The following MPPED1 variants were observed in gnomAD, a reference collection of about 807,000 sequenced individuals.
MPPED1 encodes the protein metallophosphoesterase domain containing 1.
MPPED1 carries 16 observed loss-of-function variants against 36.2 expected under a neutral mutation model. That is an observed-to-expected ratio of 0.44 (90% CI 0.30 to 0.67). The LOEUF (loss-of-function observed/expected upper bound fraction) is 0.67, where lower values mean the gene tolerates loss of function less well. Among genes scored for constraint, MPPED1 ranks in the 30% least tolerant of loss-of-function variants. MPPED1 has a pLI of 0.10. For missense variants in MPPED1, 307 were observed against 453.4 expected (o/e 0.68, Z 2.93); for synonymous variants, 199 against 191.3 (o/e 1.04, Z -0.33).
intron 5 of MPPED1, among the ~76,000 whole-genome samples, chr22:43,498,810 C>T (rs888339557): frequency 6.6e-6 from 1 of 152,170 alleles, no homozygotes; most frequent in Admixed American, 6.5e-5. Flanking sequence ...CACCCCACCA[C>T]CCAATCCACA....
At chr22:43,453,725 TC>T (rs1930655297) in intron 3 of MPPED1, among the ~76,000 whole-genome samples, 4 of 152,188 alleles carry the variant, frequency 2.6e-5, no homozygotes, top group African/African-American at 9.7e-5. Context: ...AGCCTACAAT[TC>T]TGCCTGCTCA....
chr22:43,419,634 A>ATGGCACGG (rs1174591636), intron 1 of MPPED1, among the ~76,000 whole-genome samples: 1 of 150,910 alleles, frequency 6.6e-6, no homozygotes, highest in African/African-American at 2.4e-5. Context: ...GCCAGAGGGA[A>ATGGCACGG]TGGCACGGGC....
At chr22:43,431,015 T>C (rs1929659291) in intron 2 of MPPED1, among the ~76,000 whole-genome samples, 1 of 142,466 alleles carries the variant, frequency 7.0e-6, no homozygotes, top group South Asian at 2.3e-4. Context: ...TCTACTGTTG[T>C]TGTTAATTTT....
chr22:43,484,159 T>C (rs996868068), intron 4 of MPPED1, among the ~76,000 whole-genome samples: 2 of 152,250 alleles, frequency 1.3e-5, no homozygotes, highest in Non-Finnish European at 2.9e-5. Flanking sequence ...AAGGCTGGCC[T>C]TTCCCAGTTT....
chr22:43,502,636 C>A lies in MPPED1; in HGVS notation c.749-8C>A. ...CGTCATGGCCTCCTGTTGTCTCCCCCATACCAGGCTTCCTGGACTGGGTCC... is the reference window on the plus strand; with the variant it reads ...CGTCATGGCCTCCTGTTGTCTCCCCAATACCAGGCTTCCTGGACTGGGTCC... On this transcript the variant is annotated splice_region_variant and splice_polypyrimidine_tract_variant and intron_variant, in intron 5 of 6. Coordinates refer to ENST00000443721, the MANE Select transcript of MPPED1 (RefSeq NM_001044370.2). This position sits in a 1 kb window ranked among gnomAD's most constrained non-coding sequence, Gnocchi z 5.5. The A allele has an allele frequency of 6.2e-7, 1 of 1,611,694 alleles. No individual in the cohort carries two copies. The highest frequency in any genetic ancestry group is 1.1e-5 in the South Asian group (1 of 91,064).
At chr22:43,439,647 T>C (rs1930080553) in intron 3 of MPPED1, among the ~76,000 whole-genome samples, 1 of 152,234 alleles carries the variant, frequency 6.6e-6, no homozygotes, top group Non-Finnish European at 1.5e-5. Flanking sequence ...GAAGGGTTGA[T>C]GAATAGTATT....
chr22:43,471,491 C>A (rs1384068418), intron 3 of MPPED1, among the ~76,000 whole-genome samples: 1 of 152,208 alleles, frequency 6.6e-6, no homozygotes, highest in African/African-American at 2.4e-5. Flanking sequence ...GTTTCCCAGC[C>A]TTTGAGCCTC....
intron 3 of MPPED1, among the ~76,000 whole-genome samples, chr22:43,463,871 CTT>C (rs1213952431): frequency 1.0e-5 from 1 of 96,308 alleles, no homozygotes; most frequent in Non-Finnish European, 2.2e-5. Flanking sequence ...TTCTTTCTTT[CTT>C]TCTCTTTCTG....
chr22:43,467,532 A>G (rs1421264140), intron 3 of MPPED1, among the ~76,000 whole-genome samples: 2 of 152,052 alleles, frequency 1.3e-5, no homozygotes, highest in Non-Finnish European at 2.9e-5. Flanking sequence ...TTGCACCAAG[A>G]CCCCACGGTG....
Position 43,435,144 on chromosome 22 carries a change from T to A in MPPED1, c.335T>A (p.Val112Glu), listed in dbSNP as rs1432677809. 2.5e-6 allele frequency: 4 copies of A among 1,613,636 alleles called. No individual in the cohort carries two copies. Residue 112 changes from valine (V) to glutamate (E), a missense_variant, in exon 3 of 7, where the codon GTG (valine) becomes GAG (glutamate). Physicochemically the swap from Val to Glu is moderately radical, Grantham distance 121 (BLOSUM62 -2). This residue lies in a region of MPPED1 where 169 missense variants were observed against 212.3 expected (regional missense o/e 0.80). Coordinates refer to ENST00000443721, the MANE Select transcript of MPPED1 (RefSeq NM_001044370.2). Reference sequence around the variant, plus strand: ...CCCATCCAGATGCCGTACGGCGACGTGCTGATCCACGCTGGGGACTTCACT... The same window carrying A: ...CCCATCCAGATGCCGTACGGCGACGAGCTGATCCACGCTGGGGACTTCACT... ...TDPIQMPYGD[V>E]LIHAGDFTEL...
chr22:43,430,343 G>A (rs1296172123), intron 2 of MPPED1, among the ~76,000 whole-genome samples: 1 of 152,196 alleles, frequency 6.6e-6, no homozygotes, highest in Non-Finnish European at 1.5e-5. Flanking sequence ...CTGCAGGGGT[G>A]TTGGCATCAG....
chr22:43,412,756 A>C (rs896460930), intron 1 of MPPED1, among the ~76,000 whole-genome samples: 1 of 152,124 alleles, frequency 6.6e-6, no homozygotes, highest in Non-Finnish European at 1.5e-5. Context: ...CAGGGGATTC[A>C]GTGGCTACCT....
Position 43,455,200 on chromosome 22 carries a change from C to T in MPPED1, c.407-19536C>T, listed in dbSNP as rs562054714. On this transcript the variant is annotated intron_variant, in intron 3 of 6. Transcript: ENST00000443721. Reference sequence around the variant, plus strand: ...TCTCGGCCCACAGCAACCTCTGTCCCTGGGATTCAAGCGATTCTTCCTCCT... The same window carrying T: ...TCTCGGCCCACAGCAACCTCTGTCCTTGGGATTCAAGCGATTCTTCCTCCT... Among the ~76,000 whole-genome samples, 147 of 150,040 alleles carry T rather than the reference C, an allele frequency of 9.8e-4. 1 individual carries two copies. Among genetic ancestry groups the T allele is most frequent in the Non-Finnish European group, 1.9e-3 (126 of 67,868 alleles).
At chr22:43,468,145 T>C (rs542505391) in intron 3 of MPPED1, among the ~76,000 whole-genome samples, 41 of 152,346 alleles carry the variant, frequency 2.7e-4, no homozygotes, top group African/African-American at 9.6e-4. Context: ...GCTCTTCTGG[T>C]TAATACTTAA....
intron 1 of MPPED1, among the ~76,000 whole-genome samples, chr22:43,420,842 T>C (rs867798062): frequency 3.3e-5 from 5 of 152,388 alleles, no homozygotes; most frequent in Middle Eastern, 6.8e-3. Context: ...CCCCGTCCCA[T>C]GTTCCTCAAG....
intron 4 of MPPED1, among the ~76,000 whole-genome samples, chr22:43,482,888 C>A (rs116615137): frequency 1.3e-5 from 2 of 152,176 alleles, no homozygotes; most frequent in Non-Finnish European, 2.9e-5. Context: ...GGGGCCAGAA[C>A]GGAGCAGCCT....
intron 1 of MPPED1, among the ~76,000 whole-genome samples, chr22:43,421,975 C>T (rs1442762801): frequency 6.6e-6 from 1 of 152,208 alleles, no homozygotes; most frequent in East Asian, 1.9e-4. Flanking sequence ...GAGGTTCAGC[C>T]GCTTGCTCAG....
At chr22:43,483,425 G>A (rs1931811401) in intron 4 of MPPED1, among the ~76,000 whole-genome samples, 1 of 152,212 alleles carries the variant, frequency 6.6e-6, no homozygotes, top group African/African-American at 2.4e-5. Context: ...CAAGGCGGCC[G>A]GTGATGCCAC....
At chr22:43,458,979 T>G (rs1221288093) in intron 3 of MPPED1, among the ~76,000 whole-genome samples, 1 of 152,248 alleles carries the variant, frequency 6.6e-6, no homozygotes, top group Admixed American at 6.5e-5. Context: ...TCTTTGAGTT[T>G]ATCATGTTTG....
Sources: gnomAD v4.1 joint callset for allele counts (sites outside exome capture counted in the v4.1 genomes callset) on GRCh38, gnomAD v4.1.1 for gene constraint, gnomAD v4.1.1 regional missense constraint, Gnocchi (gnomAD v3.1) non-coding constraint, MANE v1.5 for transcripts, NCBI Gene and HGNC (gene_info 2026-07-23, HGNC 2026-07-21) for gene names.